The following KIF15 variants were observed in gnomAD, a reference collection of about 807,000 sequenced individuals.
KIF15 encodes kinesin-like protein KIF15.
KIF15 carries 140 observed loss-of-function variants against 190.6 expected under a neutral mutation model. That is an observed-to-expected ratio of 0.73 (90% CI 0.64 to 0.84). The LOEUF (loss-of-function observed/expected upper bound fraction) is 0.84. Among genes scored for constraint, KIF15 ranks in the 40% least tolerant of loss-of-function variants. The pLI is 0.00. For synonymous variants in KIF15, 528 were observed against 551.3 expected, an observed-to-expected ratio of 0.96 and a Z score of 0.59; for missense variants, 1,372 against 1,584.4, an observed-to-expected ratio of 0.87 and a Z score of 2.28.
rs775193890 is a variant in KIF15, at chr3:44,826,188, A to G, written c.2699A>G (p.Asn900Ser). ...AATGAAACTCTGAAATCTGATCTGAATGTATGTTAAGAAGGGTGAATTTGT... is the reference window on the plus strand; with the variant it reads ...AATGAAACTCTGAAATCTGATCTGAGTGTATGTTAAGAAGGGTGAATTTGT... ...KENETLKSDL[N>S]NLMELLEAEK... Residue 900 changes from asparagine (N) to serine (S), a missense_variant and splice_region_variant, in exon 21 of 35, where the codon AAT becomes AGT. Asn to Ser is a conservative substitution (Grantham distance 46). Transcript: ENST00000326047. 3.2e-6 allele frequency: 5 copies of G among 1,576,570 alleles called. No individual in the cohort carries two copies. In the South Asian group the frequency reaches 6.0e-5, roughly 19 times the overall value.
chr3:44,826,244 G>A, intron 21 of KIF15, 55 bp downstream of exon 21: 1 of 1,559,038 alleles, frequency 6.4e-7, no homozygotes, highest in Non-Finnish European at 8.7e-7. Context: ...TTTGAGTGTA[G>A]GACAAGGACT....
intron 1 of KIF15, among the ~76,000 whole-genome samples, chr3:44,764,692 G>A (rs1471037128): frequency 1.3e-5 from 2 of 151,908 alleles, no homozygotes; most frequent in Non-Finnish European, 2.9e-5. Context: ...AGGCTGAAGT[G>A]CAGGGGTGCG....
intron 32 of KIF15, among the ~76,000 whole-genome samples, chr3:44,849,681 AT>A (rs530364342): frequency 3.8e-4 from 57 of 151,906 alleles, no homozygotes; most frequent in African/African-American, 1.3e-3. Context: ...TTTCTGGAAA[AT>A]TTTTTTATTG....
chr3:44,833,614 C>T (rs1020637098), intron 26 of KIF15, among the ~76,000 whole-genome samples: 2 of 151,908 alleles, frequency 1.3e-5, no homozygotes, highest in Non-Finnish European at 1.5e-5. Context: ...GTAATGCGAG[C>T]GATGGGGAAT....
chr3:44,794,511 C>T, intron 8 of KIF15, 85 bp downstream of exon 8: 2 of 970,494 alleles, frequency 2.1e-6, no homozygotes, highest in Non-Finnish European at 3.1e-6. Context: ...GTGTCTCAGT[C>T]AATGAGGAAC....
At chr3:44,860,677 C>T (rs1320827661) in intron 6 of KIF15, among the ~76,000 whole-genome samples, 2 of 151,934 alleles carry the variant, frequency 1.3e-5, no homozygotes, top group Admixed American at 6.6e-5. Context: ...TGGCCTTATC[C>T]GTGCTTTTAT....
intron 6 of KIF15, among the ~76,000 whole-genome samples, chr3:44,867,704 G>A (rs898028573): frequency 3.3e-5 from 5 of 152,240 alleles, no homozygotes; most frequent in Admixed American, 1.3e-4. Context: ...CAAGATGTAA[G>A]ATTTTTTCTA....
rs1706327167 is a variant in KIF15 at position 44,784,705 on chromosome 3, A to C, written c.362-140A>C. ...AGTTGGAAAAATTTCAATTTCTCTC[A>C]CAGACCTAGATTTAACTTGCTTGGA... On this transcript the variant is annotated intron_variant, in intron 5 of 34. Coordinates refer to ENST00000326047, the MANE Select transcript of KIF15 (RefSeq NM_020242.3). The C allele has an allele frequency of 2.8e-5, 17 of 598,288 alleles. No homozygotes were observed. The East Asian group carries it at 5.2e-4, about 18-fold the overall frequency. The allele number at this position is 598,288 out of a possible 1,614,324, so 37.1% of individuals were successfully genotyped here.
intron 12 of KIF15, 69 bp downstream of exon 12, chr3:44,801,595 CT>C: frequency 9.3e-7 from 1 of 1,072,064 alleles, no homozygotes; most frequent in Non-Finnish European, 1.4e-6. Flanking sequence ...TTTTTATTGC[CT>C]TACTAAGTGA....
intron 24 of KIF15, among the ~76,000 whole-genome samples, chr3:44,828,644 A>G (rs575377012): frequency 2.0e-5 from 3 of 152,358 alleles, no homozygotes; most frequent in African/African-American, 4.8e-5. Flanking sequence ...GACTTTAACT[A>G]AAATAATAAA....
intron 13 of KIF15, among the ~76,000 whole-genome samples, 169 bp downstream of exon 13, chr3:44,802,143 G>C (rs1371387715): frequency 1.3e-5 from 2 of 152,200 alleles, no homozygotes; most frequent in African/African-American, 2.4e-5. Context: ...TAGTTAAAGG[G>C]AAGAGAAGGG....
Position 44,814,941 on chromosome 3 carries a change from T to A in KIF15, c.2414T>A (p.Val805Glu). 6.2e-7 allele frequency: 1 copy of A among 1,609,832 alleles called. No individual in the cohort carries two copies. Among genetic ancestry groups the A allele is most frequent in the Non-Finnish European group, 8.5e-7 (1 of 1,178,754 alleles). Residue 805 changes from valine to glutamate, a missense_variant, in exon 20 of 35, where the codon GTA becomes GAA. Val to Glu is a moderately radical substitution (Grantham distance 121). Coordinates refer to ENST00000326047, the MANE Select transcript of KIF15 (RefSeq NM_020242.3). ...FLKSEVHDLR[V>E]VLHSADKELS... ...AAAAGTGAGGTACATGACCTGCGAG[T>A]AGTCCTTCATTCTGCTGACAAGGAG...
rs1461355966 is a variant in KIF15 at position 44,826,437 on chromosome 3, A to G, written c.2763A>G (p.Glu921=). 1 of 1,611,802 alleles carries G rather than the reference A, an allele frequency of 6.2e-7. No individual in the cohort carries two copies. Among genetic ancestry groups the G allele is most frequent in the Non-Finnish European group, 8.5e-7 (1 of 1,178,290 alleles). ...ATAACAAATTATCATTACAGTTTGAAGAAGATAAAGAAAACAGTTCTAAGT... is the reference window on the plus strand; with the variant it reads ...ATAACAAATTATCATTACAGTTTGAGGAAGATAAAGAAAACAGTTCTAAGT... The part of the protein sequence containing the change: ...ERNNKLSLQF[E]EDKENSSKEI... Residue 921 remains glutamate (E), a synonymous_variant, in exon 22 of 35, where the codon GAA becomes GAG. Coordinates refer to ENST00000326047, the MANE Select transcript of KIF15 (RefSeq NM_020242.3).
intron 7 of KIF15, among the ~76,000 whole-genome samples, chr3:44,790,151 T>G (rs1706613763): frequency 6.6e-6 from 1 of 152,188 alleles, no homozygotes; most frequent in Non-Finnish European, 1.5e-5. Flanking sequence ...TTTATTGTCC[T>G]GTATTTGTAT....
At chr3:44,771,335 T>G (rs1575574852) in intron 1 of KIF15, among the ~76,000 whole-genome samples, 7 of 152,326 alleles carry the variant, frequency 4.6e-5, no homozygotes, top group Admixed American at 6.5e-5. Flanking sequence ...ATTCCATTTT[T>G]ATGGCCAGAC....
chr3:44,861,310 G>C (rs561348806), intron 6 of KIF15, among the ~76,000 whole-genome samples: 69 of 152,370 alleles, frequency 4.5e-4, no homozygotes, highest in African/African-American at 1.6e-3. Context: ...CTAAACATAC[G>C]TAAGTATAAC....
At chr3:44,765,494 G>A (rs1296020487) in intron 1 of KIF15, among the ~76,000 whole-genome samples, 1 of 152,158 alleles carries the variant, frequency 6.6e-6, no homozygotes, top group East Asian at 1.9e-4. Flanking sequence ...TTTATCCTGG[G>A]ATGACAGTGG....
intron 6 of KIF15, chr3:44,862,117 G>T (rs1699261553): frequency 6.2e-5 from 78 of 1,248,056 alleles, no homozygotes; most frequent in Non-Finnish European, 7.7e-5. Flanking sequence ...CGGCAGCGAG[G>T]TCGAGCCCGG....
chr3:44,822,590 G>T (rs147882697), intron 20 of KIF15, among the ~76,000 whole-genome samples: 11,878 of 152,264 alleles, frequency 0.078, 610 homozygotes, highest in Middle Eastern at 0.13. Context: ...ATAATATCCT[G>T]AAGAGTGTTT....
Sources: allele counts gnomAD v4.1 joint callset (sites outside exome capture counted in the v4.1 genomes callset), GRCh38; gene constraint gnomAD v4.1.1; transcripts MANE v1.5; gene names NCBI Gene and HGNC (gene_info 2026-07-23, HGNC 2026-07-21).